The following KIFC3 variants were observed in gnomAD, a reference collection of about 807,000 sequenced individuals.
KIFC3 encodes kinesin-like protein KIFC3.
A neutral mutation model predicts 101.8 loss-of-function variants in KIFC3; 60 were observed. The observed-to-expected ratio is 0.59, with a 90% CI of 0.48 to 0.73. The LOEUF (loss-of-function observed/expected upper bound fraction) is 0.73, where lower values mean the gene tolerates loss of function less well. Ranked by LOEUF, KIFC3 falls within the 30% of genes least tolerant of loss-of-function variation. The pLI is 0.00. For missense variants in KIFC3, 966 were observed against 1,137.1 expected (o/e 0.85, Z 2.16); for synonymous variants, 476 against 482.7 (o/e 0.99, Z 0.18).
Position 57,765,994 on chromosome 16 carries a change from G to C in KIFC3, c.1331-354C>G, listed in dbSNP as rs979303432. 2.8e-5 allele frequency: 6 copies of C among 213,176 alleles called. 1 individual carries two copies. Among genetic ancestry groups the C allele is most frequent in the Non-Finnish European group, 5.6e-5 (6 of 106,570 alleles). 13.2% of individuals were successfully genotyped at this position (213,176 alleles called of 1,614,324 possible). Reference sequence around the variant, plus strand: ...AGTTTCTTCATCCAGACAATGAGGGGCTTGGGCCCCAATGAGCAAAGAGCC... The same window carrying C: ...AGTTTCTTCATCCAGACAATGAGGGCCTTGGGCCCCAATGAGCAAAGAGCC... On this transcript the variant is annotated intron_variant, in intron 10 of 19. Transcript: ENST00000445690.
rs894089399 is a variant in KIFC3, at chr16:57,758,333, C to T, written c.*601G>A. The T allele has an allele frequency of 2.4e-5, 6 of 253,238 alleles. No homozygotes were observed. The highest frequency in any genetic ancestry group is 1.2e-4 in the African/African-American group (5 of 43,252). The allele number at this position is 253,238 out of a possible 1,614,324, so 15.7% of individuals were successfully genotyped here. A position where few individuals can be genotyped will look rare whatever the true frequency, so the allele number is the denominator to read the frequency against. On this transcript the variant is annotated 3_prime_UTR_variant, in exon 20 of 20. Coordinates refer to ENST00000445690, the MANE Select transcript of KIFC3 (RefSeq NM_001130100.2). Reference sequence around the variant, plus strand: ...GAGACCAGCGAGCCAGGCAGGTGAGCGAGCAGCAGAATCCCCCACCCGCTG... The same window carrying T: ...GAGACCAGCGAGCCAGGCAGGTGAGTGAGCAGCAGAATCCCCCACCCGCTG...
chr16:57,835,878 A>C (rs1890439219), intron 1 of KIFC3, among the ~76,000 whole-genome samples: 1 of 152,204 alleles, frequency 6.6e-6, no homozygotes, highest in South Asian at 2.1e-4. Context: ...TGAACCCAGG[A>C]GGCAGAGGTT....
upstream of KIFC3, chr16:57,803,305 GA>G: frequency 1.5e-6 from 1 of 689,620 alleles, no homozygotes; most frequent in Non-Finnish European, 2.7e-6. Context: ...TGACCTGGAG[GA>G]GCCACTCTGT....
At chr16:57,759,925 T>C in intron 17 of KIFC3, 89 bp from the exon 18 acceptor site, 2 of 961,798 alleles carry the variant, frequency 2.1e-6, no homozygotes, top group Non-Finnish European at 1.5e-6. Flanking sequence ...CTGCCCTGCC[T>C]CCTAACACCC....
At position 57,761,139 on chromosome 16, in the gene KIFC3, G is replaced by C; in HGVS notation, c.1905C>G (p.Thr635=). Reference sequence around the variant, plus strand: ...TGTGCTCGTTCAGGTTGGTGAACTCGGTCGTGCGATTAGTGTGGCCAAACT... The same window carrying C: ...TGTGCTCGTTCAGGTTGGTGAACTCCGTCGTGCGATTAGTGTGGCCAAACT... ...VFEFGHTNRT[T]EFTNLNEHSS... is the part of the protein sequence containing the mutation. The change falls in exon 15 of 20, where the codon ACC becomes ACG. Residue 635 remains threonine (T), a synonymous_variant. Transcript: ENST00000445690. 1 of 1,613,994 alleles carries C rather than the reference G, an allele frequency of 6.2e-7. No individual in the cohort carries two copies. The highest frequency in any genetic ancestry group is 2.2e-5 in the East Asian group (1 of 44,878).
intron 3 of KIFC3, 134 bp downstream of exon 3, chr16:57,794,865 G>T: frequency 1.4e-6 from 1 of 718,302 alleles, no homozygotes; most frequent in Non-Finnish European, 2.1e-6. Context: ...GGTCATGAGG[G>T]GCCCAACAGA....
chr16:57,811,304 T>C (rs1254643450), intron 1 of KIFC3, among the ~76,000 whole-genome samples: 3 of 152,190 alleles, frequency 2.0e-5, no homozygotes, highest in African/African-American at 4.8e-5. Flanking sequence ...TCTGTAAATA[T>C]ACTAAAAACT....
intron 3 of KIFC3, among the ~76,000 whole-genome samples, chr16:57,786,872 C>T (rs535958910): frequency 2.7e-3 from 410 of 152,210 alleles, no homozygotes; most frequent in Non-Finnish European, 4.4e-3. Flanking sequence ...TCAGCACAGC[C>T]CCAGGAGGAG....
intron 3 of KIFC3, chr16:57,776,124 CCTT>C: frequency 1.0e-6 from 1 of 985,520 alleles, no homozygotes; most frequent in Non-Finnish European, 1.2e-6. Context: ...CTGGTTACCT[CCTT>C]ACCTCCCACC....
intron 3 of KIFC3, chr16:57,776,209 G>C: frequency 1.0e-6 from 1 of 985,500 alleles, no homozygotes; most frequent in Non-Finnish European, 1.2e-6. Flanking sequence ...TGCTGAGCTG[G>C]GAAGGCCAGA....
intron 1 of KIFC3, among the ~76,000 whole-genome samples, chr16:57,825,637 A>G (rs1429532201): frequency 2.6e-5 from 4 of 152,106 alleles, no homozygotes; most frequent in Admixed American, 2.6e-4. Flanking sequence ...TTGGAAAACA[A>G]TTCTGAGGTT....
At chr16:57,822,429 C>A (rs1241698023) in intron 1 of KIFC3, among the ~76,000 whole-genome samples, 1 of 152,114 alleles carries the variant, frequency 6.6e-6, no homozygotes, top group African/African-American at 2.4e-5. Context: ...TGGCTGGGCG[C>A]GGTGGCTCAC....
intron 1 of KIFC3, among the ~76,000 whole-genome samples, chr16:57,857,403 T>C (rs1157826415): frequency 6.6e-6 from 1 of 151,690 alleles, no homozygotes; most frequent in African/African-American, 2.4e-5. Flanking sequence ...TTCTTTTTTT[T>C]TTTTTAATTA....
At chr16:57,852,763 AGCCG>A (rs1404932652) in intron 1 of KIFC3, among the ~76,000 whole-genome samples, 3 of 5,020 alleles carry the variant, frequency 6.0e-4, no homozygotes, top group Admixed American at 4.1e-3. Context: ...AGCTCCCGTG[AGCCG>A]TGAGCCAAAC....
rs2049408091 is a variant in KIFC3, at chr16:57,758,598, T to A, written c.*336A>T. The A allele has an allele frequency of 1.5e-6, 1 of 685,248 alleles. No individual in the cohort carries two copies. Among genetic ancestry groups the A allele is most frequent in the Non-Finnish European group, 2.7e-6 (1 of 374,442 alleles). The allele number at this position is 685,248 out of a possible 1,614,324, so 42.4% of individuals were successfully genotyped here. A position where few individuals can be genotyped will look rare whatever the true frequency, so the allele number is the denominator to read the frequency against. ...AGGAGAGGGGCCGAGAAAGCCTGGGTGAGAGGCCCACCCTCCTCCACACTC... is the reference window on the plus strand; with the variant it reads ...AGGAGAGGGGCCGAGAAAGCCTGGGAGAGAGGCCCACCCTCCTCCACACTC... On this transcript the variant is annotated 3_prime_UTR_variant, in exon 20 of 20. Transcript: ENST00000445690.
At chr16:57,780,123 T>C (rs1331544207) in intron 3 of KIFC3, among the ~76,000 whole-genome samples, 3 of 152,222 alleles carry the variant, frequency 2.0e-5, no homozygotes, top group African/African-American at 7.2e-5. Context: ...CAATTCGAGA[T>C]GAAATTTGGG....
chr16:57,764,395 GTGACTCA>G, intron 11 of KIFC3, 148 bp from the exon 12 acceptor site: 1 of 615,730 alleles, frequency 1.6e-6, no homozygotes. Context: ...ACAATGATTC[GTGACTCA>G]TGAGTCATAC....
chr16:57,807,932 A>AAAAAAAAC (rs1555627223), upstream of KIFC3: 1 of 20,502 alleles, frequency 4.9e-5, no homozygotes, highest in African/African-American at 8.1e-5. Context: ...CCTGTCTTAA[A>AAAAAAAAC]AAAAAAAAAA....
chr16:57,837,496 C>T (rs986900665), intron 1 of KIFC3, among the ~76,000 whole-genome samples: 35 of 61,406 alleles, frequency 5.7e-4, no homozygotes, highest in African/African-American at 1.2e-3. Context: ...GAGAGAAAGA[C>T]GGAAGGAAGG....
Sources: allele counts gnomAD v4.1 joint callset (sites outside exome capture counted in the v4.1 genomes callset), GRCh38; gene constraint gnomAD v4.1.1; transcripts MANE v1.5; gene names NCBI Gene and HGNC (gene_info 2026-07-23, HGNC 2026-07-21).